EPM2A: variants seen among roughly 807,000 people sequenced by gnomAD.
EPM2A encodes laforin.
In EPM2A, 21 loss-of-function variants were observed where a neutral mutation model predicts 26.5. The observed-to-expected ratio is 0.79, with a 90% confidence interval of 0.56 to 1.14. The LOEUF (loss-of-function observed/expected upper bound fraction) is 1.14. Among genes scored for constraint, EPM2A ranks in the 50% most tolerant of loss-of-function variants. EPM2A has a pLI of 0.00. For synonymous variants in EPM2A, 217 were observed against 177.6 expected, an observed-to-expected ratio of 1.22 and a Z score of -1.76; for missense variants, 458 against 440.8, an observed-to-expected ratio of 1.04 and a Z score of -0.35.
chr6:145,561,342 T>C (rs957950327), intron 2 of EPM2A, among the ~76,000 whole-genome samples: 2 of 152,156 alleles, frequency 1.3e-5, no homozygotes, highest in Admixed American at 6.6e-5. Context: ...GTTTACACAA[T>C]GACAAAATAG....
chr6:145,619,481 A>C lies in EPM2A; in HGVS notation c.340+15764T>G, dbSNP rs950714347. On this transcript the variant is annotated intron_variant, in intron 2 of 3. Coordinates refer to the EPM2A transcript ENST00000450221. ...TGATTTTGGAAGTGAGCTGATGGAA[A>C]GCAAAGGAAGATGTGACTCAGAATA... Among the ~76,000 whole-genome samples, 6 of 152,354 alleles carry C rather than the reference A, an allele frequency of 3.9e-5. No homozygotes were observed. In the East Asian group the frequency reaches 1.2e-3, roughly 29 times the overall value.
chr6:145,714,039 G>A (rs1251240376), intron 1 of EPM2A, among the ~76,000 whole-genome samples: 3 of 152,234 alleles, frequency 2.0e-5, no homozygotes, highest in Non-Finnish European at 4.4e-5. Context: ...CAAAGCCCTA[G>A]AGACAGAAAG....
chr6:145,554,170 T>G (rs1411616217), intron 2 of EPM2A, among the ~76,000 whole-genome samples: 1 of 151,854 alleles, frequency 6.6e-6, no homozygotes, highest in Non-Finnish European at 1.5e-5. Context: ...TACAGCTGAG[T>G]AGGGGAAATA....
At chr6:145,724,403 A>G (rs530781982) in intron 1 of EPM2A, among the ~76,000 whole-genome samples, 2 of 152,302 alleles carry the variant, frequency 1.3e-5, no homozygotes, top group South Asian at 2.1e-4. Flanking sequence ...TTCTATGTTC[A>G]TAAGTTTGAA....
intron 2 of EPM2A, among the ~76,000 whole-genome samples, chr6:145,513,037 C>T (rs968118529): frequency 2.0e-4 from 31 of 152,038 alleles, no homozygotes; most frequent in Admixed American, 1.0e-3. Flanking sequence ...AAAGCAGACA[C>T]AACAAAACAA....
At chr6:145,658,991 A>G (rs1778491734) in intron 2 of EPM2A, among the ~76,000 whole-genome samples, 1 of 152,216 alleles carries the variant, frequency 6.6e-6, no homozygotes, top group African/African-American at 2.4e-5. Context: ...AAGAGGCGTT[A>G]GTTAACTCAT....
intron 4 of EPM2A, among the ~76,000 whole-genome samples, chr6:145,399,053 T>G (rs1285883915): frequency 1.3e-5 from 2 of 152,140 alleles, no homozygotes; most frequent in African/African-American, 4.8e-5. Flanking sequence ...CCTTGATCAA[T>G]GAACTACTGG....
chr6:145,478,989 G>A (rs540306922), intron 4 of EPM2A, among the ~76,000 whole-genome samples: 5 of 151,222 alleles, frequency 3.3e-5, no homozygotes, highest in Non-Finnish European at 7.4e-5. Context: ...TTCTATATAT[G>A]TTCTACTCTG....
At chr6:145,640,021 AATTTAACTC>A (rs1363533932) in intron 2 of EPM2A, 3 of 152,192 alleles carry the variant, frequency 2.0e-5, no homozygotes, top group Admixed American at 6.5e-5. Context: ...AATCAAAATC[AATTTAACTC>A]ATTTGAGTGA....
intron 2 of EPM2A, among the ~76,000 whole-genome samples, chr6:145,511,156 A>C (rs1201101369): frequency 6.6e-6 from 1 of 152,150 alleles, no homozygotes; most frequent in Admixed American, 6.5e-5. Flanking sequence ...CCCTGGACCA[A>C]ATGGTTTCAC....
At chr6:145,489,945 C>T in intron 4 of EPM2A, 1 of 1,371,130 alleles carries the variant, frequency 7.3e-7, no homozygotes, top group East Asian at 2.3e-5. Flanking sequence ...TTATTTGGAC[C>T]TGCTCTGGAA....
chr6:145,628,786 G>A (rs1278440758), intron 3 of EPM2A: 1 of 152,224 alleles, frequency 6.6e-6, no homozygotes, highest in Non-Finnish European at 1.5e-5. Context: ...GATTTCACCT[G>A]GGGATCTGCC....
At chr6:145,529,857 G>T (rs183827292) in intron 2 of EPM2A, among the ~76,000 whole-genome samples, 32 of 152,258 alleles carry the variant, frequency 2.1e-4, no homozygotes, top group Admixed American at 2.0e-3. Flanking sequence ...AAATTTACAT[G>T]AAACAAAGCA....
At chr6:145,544,807 T>C (rs1780562879) in intron 2 of EPM2A, among the ~76,000 whole-genome samples, 1 of 152,136 alleles carries the variant, frequency 6.6e-6, no homozygotes, top group Admixed American at 6.5e-5. Flanking sequence ...AAATAGTAGA[T>C]GCTCAGCAGC....
chr6:145,712,999 A>G lies in EPM2A; in HGVS notation c.301+22199T>C, dbSNP rs183259055. Among the ~76,000 whole-genome samples the G allele has an allele frequency of 9.7e-4, 148 of 152,352 alleles. 1 individual carries two copies. Among genetic ancestry groups the G allele is most frequent in the African/African-American group, 3.3e-3 (139 of 41,596 alleles). On this transcript the variant is annotated intron_variant, in intron 1 of 3. Transcript: ENST00000367519. ...TAGGGATAGACTAATAGCTGCTATC[A>G]TCGTTTAAAAAGTGTCTTGACTGTG...
intron 2 of EPM2A, chr6:145,636,290 C>G (rs1185545694): frequency 6.6e-6 from 1 of 152,220 alleles, no homozygotes; most frequent in East Asian, 1.9e-4. Context: ...CACCTGAAGT[C>G]AGGAGTTCTA....
chr6:145,612,700 A>AGT (rs1775416928), intron 2 of EPM2A, among the ~76,000 whole-genome samples: 1 of 148,372 alleles, frequency 6.7e-6, no homozygotes, highest in South Asian at 2.1e-4. Context: ...ATCTATTAAG[A>AGT]GTACAATATT....
In EPM2A at chr6:145,528,327, T is replaced by C. The variant is rs917413076; in HGVS notation, c.341-25752A>G. On this transcript the variant is annotated intron_variant, in intron 2 of 3. Transcript: ENST00000450221. ...CCTCATATTGGGAAAAGAAGCCATGTAGAACTTTCATAGCTGGAGAGGACA... is the reference window on the plus strand; with the variant it reads ...CCTCATATTGGGAAAAGAAGCCATGCAGAACTTTCATAGCTGGAGAGGACA... Among the ~76,000 whole-genome samples, 192 of 152,310 alleles carry C rather than the reference T, an allele frequency of 1.3e-3. 2 individuals carry two copies. The highest frequency in any genetic ancestry group is 1.5e-4 in the Non-Finnish European group (10 of 68,010).
chr6:145,571,193 A>T (rs1318860008), intron 2 of EPM2A, among the ~76,000 whole-genome samples: 1 of 152,144 alleles, frequency 6.6e-6, no homozygotes, highest in South Asian at 2.1e-4. Context: ...AAACTGTTCC[A>T]TATATTGGAT....
Sources: gnomAD v4.1 joint callset for allele counts (sites outside exome capture counted in the v4.1 genomes callset) on GRCh38, gnomAD v4.1.1 for gene constraint, MANE v1.5 for transcripts, NCBI Gene and HGNC (gene_info 2026-07-23, HGNC 2026-07-21) for gene names.